Variants in NKAIN3 observed in about 807,000 individuals in gnomAD.
The protein encoded by NKAIN3 is sodium/potassium-transporting ATPase subunit beta-1-interacting protein 3.
Under a neutral mutation model 30.2 loss-of-function variants are expected in NKAIN3, and 25 were observed. The ratio of observed to expected loss-of-function variants is 0.83; its 90% CI spans 0.60 to 1.16. NKAIN3 has a LOEUF of 1.16. NKAIN3 is among the 50% of genes most tolerant of loss of function. The pLI is 0.00. For missense variants in NKAIN3, 225 were observed against 254.1 expected, an observed-to-expected ratio of 0.89 and a Z score of 0.78; for synonymous variants, 91 against 89.6, an observed-to-expected ratio of 1.02 and a Z score of -0.09.
intron 3 of NKAIN3, among the ~76,000 whole-genome samples, chr8:62,711,143 G>T (rs1814705166): frequency 6.6e-6 from 1 of 151,904 alleles, no homozygotes; most frequent in African/African-American, 2.4e-5. Flanking sequence ...AGGTTACCTG[G>T]TACTTCTGTC....
chr8:62,781,685 C>T (rs147378114), intron 4 of NKAIN3, among the ~76,000 whole-genome samples: 6 of 151,158 alleles, frequency 4.0e-5, no homozygotes, highest in Admixed American at 6.6e-5. Flanking sequence ...TAAAATAAAC[C>T]GTCTTCAAAA....
intron 4 of NKAIN3, among the ~76,000 whole-genome samples, chr8:62,777,949 G>A (rs1817238451): frequency 6.6e-6 from 1 of 152,130 alleles, no homozygotes; most frequent in African/African-American, 2.4e-5. Flanking sequence ...TGTAGCACTT[G>A]AAGACTTGTA....
At chr8:62,950,454 A>G (rs932749871) in intron 5 of NKAIN3, among the ~76,000 whole-genome samples, 3 of 152,096 alleles carry the variant, frequency 2.0e-5, no homozygotes, top group African/African-American at 7.2e-5. Context: ...TTTATTACTT[A>G]CTTTTCAAAG....
chr8:62,681,902 G>C (rs1021622086), intron 3 of NKAIN3, among the ~76,000 whole-genome samples: 3 of 152,114 alleles, frequency 2.0e-5, no homozygotes, highest in Non-Finnish European at 4.4e-5. Context: ...TGCTTTCTTA[G>C]ACAAATTAGG....
At chr8:62,523,810 G>A (rs1079157) in intron 1 of NKAIN3, among the ~76,000 whole-genome samples, 73,208 of 151,772 alleles carry the variant, frequency 0.48, 19,083 homozygotes, top group Non-Finnish European at 0.58. Context: ...GTACAGGTAC[G>A]TCAGCTCTCC....
intron 1 of NKAIN3, among the ~76,000 whole-genome samples, chr8:62,484,444 C>T (rs530660631): frequency 3.9e-5 from 6 of 152,294 alleles, no homozygotes; most frequent in African/African-American, 7.2e-5. Context: ...CTTTCTGCTC[C>T]GTGGGGTTTG....
At chr8:62,649,582 A>C (rs1476760924) in intron 3 of NKAIN3, among the ~76,000 whole-genome samples, 1 of 152,166 alleles carries the variant, frequency 6.6e-6, no homozygotes, top group Non-Finnish European at 1.5e-5. Context: ...TATAATGACA[A>C]AGGTTATTGG....
intron 3 of NKAIN3, among the ~76,000 whole-genome samples, chr8:62,609,805 A>T (rs1376936512): frequency 2.0e-5 from 3 of 152,138 alleles, no homozygotes; most frequent in African/African-American, 7.2e-5. Flanking sequence ...TGCACAAAGA[A>T]CTGAAAGGAT....
chr8:62,619,321 A>T (rs977728333), intron 3 of NKAIN3, among the ~76,000 whole-genome samples: 29 of 152,180 alleles, frequency 1.9e-4, no homozygotes, highest in African/African-American at 6.8e-4. Context: ...CTGATAAGAA[A>T]TATTTACAGT....
Position 62,264,294 on chromosome 8 carries a change from C to G in NKAIN3, c.54+15167C>G, listed in dbSNP as rs574186492. Among the ~76,000 whole-genome samples the G allele has an allele frequency of 8.7e-4, 133 of 152,288 alleles. 1 individual carries two copies. In the South Asian group the frequency reaches 0.021, roughly 24 times the overall value. On this transcript the variant is annotated intron_variant, in intron 1 of 6. Transcript: ENST00000623646. ...TTCTCCATTCCTGGTGTTATTGTCC[C>G]ACTTTGCATGTTCTGACCCACCCCA...
At chr8:62,308,159 A>G (rs1164498604) in intron 1 of NKAIN3, among the ~76,000 whole-genome samples, 1 of 150,598 alleles carries the variant, frequency 6.6e-6, no homozygotes, top group Admixed American at 6.6e-5. Context: ...GAAAATATTT[A>G]AATAAAATGA....
At chr8:62,400,006 A>C (rs376011411) in intron 1 of NKAIN3, among the ~76,000 whole-genome samples, 3 of 152,156 alleles carry the variant, frequency 2.0e-5, no homozygotes, top group African/African-American at 7.2e-5. Flanking sequence ...TAGAGGGGCT[A>C]GGACTTCCAG....
At chr8:62,639,330 A>G (rs550396382) in intron 3 of NKAIN3, among the ~76,000 whole-genome samples, 3 of 152,262 alleles carry the variant, frequency 2.0e-5, no homozygotes, top group Admixed American at 2.0e-4. Flanking sequence ...AGAAGTTCCA[A>G]TGAGATAAGG....
At chr8:62,289,362 T>C (rs918966153) in intron 1 of NKAIN3, among the ~76,000 whole-genome samples, 1 of 152,178 alleles carries the variant, frequency 6.6e-6, no homozygotes, top group African/African-American at 2.4e-5. Context: ...CTTCTAGGGT[T>C]TTTCTGGTTT....
chr8:62,357,323 G>A (rs1226259479), intron 1 of NKAIN3, among the ~76,000 whole-genome samples: 1 of 150,628 alleles, frequency 6.6e-6, no homozygotes, highest in African/African-American at 2.4e-5. Context: ...GCAGGCTGAG[G>A]CAGGAGGACT....
At chr8:62,494,147 G>A (rs1367531260) in intron 1 of NKAIN3, among the ~76,000 whole-genome samples, 1 of 152,044 alleles carries the variant, frequency 6.6e-6, no homozygotes, top group Non-Finnish European at 1.5e-5. Context: ...TCATTATGAT[G>A]CTTGCTGTGG....
intron 3 of NKAIN3, among the ~76,000 whole-genome samples, chr8:62,641,046 G>A (rs1180993988): frequency 2.6e-5 from 4 of 151,364 alleles, no homozygotes; most frequent in Admixed American, 6.6e-5. Context: ...CTCAAAGTTG[G>A]TCCTAACACC....
At chr8:62,874,480 T>C (rs983118674) in intron 4 of NKAIN3, among the ~76,000 whole-genome samples, 4 of 152,224 alleles carry the variant, frequency 2.6e-5, no homozygotes, top group Admixed American at 2.6e-4. Flanking sequence ...GCCAGTATCA[T>C]GCTGATACCA....
At chr8:62,790,128 T>C (rs868621917) in intron 4 of NKAIN3, among the ~76,000 whole-genome samples, 2 of 152,308 alleles carry the variant, frequency 1.3e-5, no homozygotes, top group Middle Eastern at 6.8e-3. Context: ...TCAAGTGGGC[T>C]TCATCCCTGG....
Sources: allele counts gnomAD v4.1 joint callset (sites outside exome capture counted in the v4.1 genomes callset), GRCh38; gene constraint gnomAD v4.1.1; transcripts MANE v1.5; gene names NCBI Gene and HGNC (gene_info 2026-07-23, HGNC 2026-07-21).